Variants in CES1 observed in about 807,000 individuals in gnomAD.
CES1 encodes carboxylesterase 1, also known as liver carboxylesterase 1.
CES1 carries 50 observed loss-of-function variants against 53.0 expected under a neutral mutation model. The ratio of observed to expected loss-of-function variants is 0.94; its 90% CI spans 0.75 to 1.19. CES1 has a LOEUF of 1.19. Among genes scored for constraint, CES1 ranks in the 50% most tolerant of loss-of-function variants. CES1 has a pLI of 0.00. For missense variants in CES1, 534 were observed against 538.0 expected (o/e 0.99, Z 0.07); for synonymous variants, 202 against 210.1 (o/e 0.96, Z 0.33).
intron 3 of CES1, among the ~76,000 whole-genome samples, chr16:55,824,741 G>A (rs1247657860): frequency 2.6e-5 from 4 of 152,244 alleles, no homozygotes; most frequent in African/African-American, 4.8e-5. Flanking sequence ...CTGAGATCAC[G>A]CTTAGTGGTC....
Position 55,830,803 on chromosome 16 carries a change from A to AAGGG in CES1, c.53-1830_53-1829insCCCT, listed in dbSNP as rs1555514150. Among the ~76,000 whole-genome samples, 239 of 145,490 alleles carry AAGGG rather than the reference A, an allele frequency of 1.6e-3. 7 individuals are homozygous for AAGGG. The highest frequency in any genetic ancestry group is 6.0e-3 in the African/African-American group (230 of 38,224). On this transcript the variant is annotated intron_variant, in intron 1 of 13. Transcript: ENST00000360526. ...GAAGGAAGGAAGGAAGGAAGGAAGG[A>AAGGG]AGGAAGGAAGGAAGGAAGGCAGGCA...
At chr16:55,818,545 T>C (rs2142330883) in intron 7 of CES1, among the ~76,000 whole-genome samples, 1 of 152,272 alleles carries the variant, frequency 6.6e-6, no homozygotes, top group Admixed American at 6.5e-5. Flanking sequence ...CTGTCTGGTC[T>C]CAAATCTGGC....
rs1439925983 is a variant in CES1, at chr16:55,819,621, C to T, written c.820G>A (p.Gly274Arg). The change falls in exon 7 of 14, where the codon GGG becomes AGG. Residue 274 changes from glycine (G) to arginine (R), a missense_variant. By Grantham distance (125) the Gly-to-Arg change is moderately radical (BLOSUM62 -2). Coordinates refer to ENST00000360526, the MANE Select transcript of CES1 (RefSeq NM_001025195.2). ...ACAGCAGAGGTGGTGGTTTTGCACC[C>T]AGCAGTGATAGCAATTTGCTGCAAA... ...PLAEQIAITAGCKTTTSAVMV... is the reference protein window; with the variant it reads ...PLAEQIAITARCKTTTSAVMV... 3 of 1,613,960 alleles carry T rather than the reference C, an allele frequency of 1.9e-6. No homozygotes were observed. Among genetic ancestry groups the T allele is most frequent in the South Asian group, 2.2e-5 (2 of 91,086 alleles).
rs147523425 is a variant in CES1 at position 55,818,514 on chromosome 16, G to C, written c.906+1021C>G. 1.8e-3 allele frequency among the ~76,000 whole-genome samples: 273 copies of C among 152,194 alleles called. 9 individuals are homozygous for C. In the East Asian group the frequency reaches 0.048, roughly 27 times the overall value. On this transcript the variant is annotated intron_variant, in intron 7 of 13. Transcript: ENST00000360526. Reference sequence around the variant, plus strand: ...AAGATAAGGTGGAGTCAGGATTAAGGGCATGAACTCCTGAATTCCACTGTC... The same window carrying C: ...AAGATAAGGTGGAGTCAGGATTAAGCGCATGAACTCCTGAATTCCACTGTC...
chr16:55,825,336 C>T (rs1322234483), intron 3 of CES1, among the ~76,000 whole-genome samples: 3 of 152,200 alleles, frequency 2.0e-5, no homozygotes, highest in Admixed American at 6.5e-5. Context: ...GGGAGACTGG[C>T]TAGACACAAC....
chr16:55,829,805 G>A (rs1330351710), intron 1 of CES1, among the ~76,000 whole-genome samples: 4 of 152,198 alleles, frequency 2.6e-5, no homozygotes, highest in Non-Finnish European at 5.9e-5. Flanking sequence ...GATTCTTCTG[G>A]TGGCCCTGGG....
intron 5 of CES1, among the ~76,000 whole-genome samples, chr16:55,820,758 A>G (rs1450212002): frequency 1.3e-5 from 2 of 150,832 alleles, no homozygotes; most frequent in African/African-American, 2.5e-5. Flanking sequence ...ATGACCCACA[A>G]CCCCTGCCCC....
chr16:55,813,882 A>T (rs2031816892), intron 8 of CES1, among the ~76,000 whole-genome samples: 1 of 152,260 alleles, frequency 6.6e-6, no homozygotes, highest in African/African-American at 2.4e-5. Flanking sequence ...CAGAGATGAA[A>T]CAAGAAGAGA....
chr16:55,813,405 G>T lies in CES1; in HGVS notation c.946-362C>A, dbSNP rs4247352. Among the ~76,000 whole-genome samples the T allele has an allele frequency of 4.6e-5, 7 of 152,156 alleles. No homozygotes were observed. In the South Asian group the frequency reaches 1.5e-3, roughly 32 times the overall value. On this transcript the variant is annotated intron_variant, in intron 8 of 13. Coordinates refer to ENST00000360526, the MANE Select transcript of CES1 (RefSeq NM_001025195.2). ...GGCAGTTGCTTCTGATAAAGCCCCC[G>T]TGAGTACTGAATTAGAGAATACAGG...
rs1472920951 is a variant in CES1 at position 55,821,500 on chromosome 16, C to T, written c.561G>A (p.Arg187=). Residue 187 remains arginine (R), a synonymous_variant, in exon 5 of 14, where the codon CGG becomes CGA. Coordinates refer to ENST00000360526, the MANE Select transcript of CES1 (RefSeq NM_001025195.2). ...GFFSTGDEHS[R]GNWGHLDQVA... is the part of the protein sequence containing the mutation. Reference sequence around the variant, plus strand: ...CCTGGTCCAGGTGACCCCAGTTCCCCCGGCTGTGTTCATCCCCTGTGCTGT... The same window carrying T: ...CCTGGTCCAGGTGACCCCAGTTCCCTCGGCTGTGTTCATCCCCTGTGCTGT... 2 of 1,614,084 alleles carry T rather than the reference C, an allele frequency of 1.2e-6. No homozygotes were observed. The highest frequency in any genetic ancestry group is 1.3e-5 in the African/African-American group (1 of 74,920).
At chr16:55,812,838 G>C in intron 9 of CES1, 65 bp downstream of exon 9, 1 of 1,607,098 alleles carries the variant, frequency 6.2e-7, no homozygotes. Context: ...AAGCATTCCT[G>C]GGACCAGAGA....
chr16:55,810,765 T>C, intron 10 of CES1, 101 bp from the exon 11 acceptor site: 1 of 1,489,048 alleles, frequency 6.7e-7, no homozygotes, highest in South Asian at 1.1e-5. Flanking sequence ...ATAAGCCCTG[T>C]GCAACTCCCC....
intron 8 of CES1, among the ~76,000 whole-genome samples, chr16:55,813,718 TC>T (rs1270396971): frequency 1.3e-5 from 2 of 152,014 alleles, no homozygotes; most frequent in African/African-American, 4.8e-5. Flanking sequence ...ACAGGCACCT[TC>T]CCCGTAAGGC....
intron 8 of CES1, among the ~76,000 whole-genome samples, chr16:55,814,600 G>A (rs1167920057): frequency 2.0e-5 from 3 of 152,224 alleles, no homozygotes; most frequent in Admixed American, 1.3e-4. Context: ...ATAACTGTTA[G>A]GTATTACTTG....
At chr16:55,824,484 C>G (rs2032340581) in intron 3 of CES1, among the ~76,000 whole-genome samples, 1 of 152,192 alleles carries the variant, frequency 6.6e-6, no homozygotes, top group Non-Finnish European at 1.5e-5. Context: ...GTTCTAAGCA[C>G]AGTAAAATAA....
intron 1 of CES1, among the ~76,000 whole-genome samples, chr16:55,830,898 T>C (rs1195573072): frequency 4.0e-5 from 6 of 150,988 alleles, no homozygotes; most frequent in African/African-American, 1.5e-4. Context: ...AGAAAAGACT[T>C]GGTCCCTGAC....
chr16:55,827,277 CAATAATAAT>C (rs57486989), intron 2 of CES1, among the ~76,000 whole-genome samples: 9 of 143,804 alleles, frequency 6.3e-5, no homozygotes, highest in South Asian at 2.2e-4. Context: ...AGAGGAATAA[CAATAATAAT>C]AATAATAATA....
At chr16:55,823,291 C>T (rs1324802753) in intron 4 of CES1, among the ~76,000 whole-genome samples, 7 of 152,162 alleles carry the variant, frequency 4.6e-5, no homozygotes, top group African/African-American at 1.7e-4. Context: ...TAACTGGGGG[C>T]TGGGTCTTGC....
chr16:55,810,754 C>T, intron 10 of CES1, 90 bp from the exon 11 acceptor site: 2 of 1,533,826 alleles, frequency 1.3e-6, no homozygotes, highest in Non-Finnish European at 1.8e-6. Context: ...TGGTGAACCC[C>T]ATAAGCCCTG....
Sources: gnomAD v4.1 joint callset for allele counts (sites outside exome capture counted in the v4.1 genomes callset) on GRCh38, gnomAD v4.1.1 for gene constraint, MANE v1.5 for transcripts, NCBI Gene and HGNC (gene_info 2026-07-23, HGNC 2026-07-21) for gene names.